The following CNTN4 variants were observed in gnomAD, a reference collection of about 807,000 sequenced individuals.
The protein encoded by CNTN4 is contactin 4.
Under a neutral mutation model 122.5 loss-of-function variants are expected in CNTN4, and 77 were observed. That is an observed-to-expected ratio of 0.63 (90% CI 0.52 to 0.76). CNTN4 has a LOEUF of 0.76. CNTN4 is among the 30% of genes least tolerant of loss of function. The probability of loss-of-function intolerance (pLI) is 0.00; values close to 1 mark genes in which losing one functional copy is unlikely to be tolerated. For missense variants in CNTN4, 1,256 were observed against 1,259.1 expected, an observed-to-expected ratio of 1.00 and a Z score of 0.04; for synonymous variants, 512 against 447.0, an observed-to-expected ratio of 1.15 and a Z score of -1.83.
intron 2 of CNTN4, among the ~76,000 whole-genome samples, chr3:2,155,272 A>T (rs967113183): frequency 2.0e-5 from 3 of 152,276 alleles, no homozygotes; most frequent in Admixed American, 6.5e-5. Context: ...AATTTGACTC[A>T]GTTACCTGAC....
intron 3 of CNTN4, among the ~76,000 whole-genome samples, chr3:2,371,164 A>C (rs1485575465): frequency 6.6e-6 from 1 of 152,180 alleles, no homozygotes; most frequent in African/African-American, 2.4e-5. Flanking sequence ...CTTCTAACAT[A>C]GTTCATCAAG....
intron 2 of CNTN4, among the ~76,000 whole-genome samples, chr3:2,120,864 C>T (rs2033729277): frequency 6.6e-6 from 1 of 151,802 alleles, no homozygotes; most frequent in African/African-American, 2.4e-5. Context: ...TACAGTGTAC[C>T]AAGGAAGTCA....
rs189136128 is a variant in CNTN4, at chr3:2,983,208, C to T, written c.1359-5137C>T. On this transcript the variant is annotated intron_variant, in intron 13 of 24. Transcript: ENST00000418658. ...CAGCCTGGGTGACAGAGCGAGACTC[C>T]ATCTCAAAAAAAAAAAAAAAAAAAA... 6.2e-3 allele frequency among the ~76,000 whole-genome samples: 444 copies of T among 72,134 alleles called. 1 individual carries two copies. Among genetic ancestry groups the T allele is most frequent in the Middle Eastern group, 0.017 (1 of 60 alleles). The allele number at this position is 72,134 out of a possible 152,430, so 47.3% of individuals were successfully genotyped here.
intron 3 of CNTN4, among the ~76,000 whole-genome samples, chr3:2,448,037 G>T (rs1156374918): frequency 6.6e-6 from 1 of 152,156 alleles, no homozygotes; most frequent in African/African-American, 2.4e-5. Context: ...TTCTCCTACA[G>T]TAATTAACTG....
At chr3:3,036,731 C>T (rs1699640361) in intron 17 of CNTN4, among the ~76,000 whole-genome samples, 1 of 150,060 alleles carries the variant, frequency 6.7e-6, no homozygotes, top group Non-Finnish European at 1.5e-5. Flanking sequence ...TGTGCCACTG[C>T]ACTCTACCCT....
In CNTN4 at chr3:2,834,908, T is replaced by TTTTTTTTTTTTTTTG. The variant is rs2093186874; in HGVS notation, c.454+15328_454+15342dup. Reference sequence around the variant, plus strand: ...TTAGATAAAGGCAACCTTTTTTTTTTTTTTTTTTTTTTTTGAGACTGAGTC... The same window carrying TTTTTTTTTTTTTTTG: ...TTAGATAAAGGCAACCTTTTTTTTTTTTTTTTTTTTTTTTGTTTTTTTTTTTTTTGAGACTGAGTC... On this transcript the variant is annotated intron_variant, in intron 7 of 24. Coordinates refer to ENST00000418658, the MANE Select transcript of CNTN4 (RefSeq NM_175607.3). 1.7e-5 allele frequency among the ~76,000 whole-genome samples: 2 copies of TTTTTTTTTTTTTTTG among 119,074 alleles called. 1 individual carries two copies. The highest frequency in any genetic ancestry group is 6.7e-5 in the African/African-American group (2 of 29,808). 78.1% of individuals were successfully genotyped at this position (119,074 alleles called of 152,430 possible). A position where few individuals can be genotyped will look rare whatever the true frequency, so the allele number is the denominator to read the frequency against.
chr3:2,147,700 C>T (rs1285258303), intron 2 of CNTN4, among the ~76,000 whole-genome samples: 1 of 152,182 alleles, frequency 6.6e-6, no homozygotes, highest in Non-Finnish European at 1.5e-5. Flanking sequence ...TCACAGGCTC[C>T]TCAGCCTGAA....
chr3:2,423,263 C>G (rs1040228920), intron 3 of CNTN4, among the ~76,000 whole-genome samples: 3 of 152,126 alleles, frequency 2.0e-5, no homozygotes, highest in Non-Finnish European at 4.4e-5. Context: ...TAAGAGCAGT[C>G]AAGTGTCAAA....
chr3:2,260,551 C>T (rs1208185364), intron 2 of CNTN4, among the ~76,000 whole-genome samples: 2 of 152,002 alleles, frequency 1.3e-5, no homozygotes, highest in African/African-American at 4.8e-5. Flanking sequence ...ACATTAAGGA[C>T]TAGAGTTGGC....
intron 6 of CNTN4, among the ~76,000 whole-genome samples, chr3:2,766,134 A>C (rs1279726269): frequency 6.6e-6 from 1 of 152,200 alleles, no homozygotes; most frequent in African/African-American, 2.4e-5. Context: ...TTCAAAATTT[A>C]AATATCACCT....
chr3:2,600,454 G>A (rs2080990311), intron 4 of CNTN4, among the ~76,000 whole-genome samples: 1 of 152,008 alleles, frequency 6.6e-6, no homozygotes, highest in Non-Finnish European at 1.5e-5. Context: ...TGCGGTGTTT[G>A]GTTTTCTGTC....
chr3:2,986,249 C>A (rs1008596843), intron 13 of CNTN4, among the ~76,000 whole-genome samples: 3 of 152,172 alleles, frequency 2.0e-5, no homozygotes, highest in African/African-American at 7.2e-5. Context: ...AAGAGAACCA[C>A]TGCCTAGTAA....
At chr3:2,652,636 AG>A (rs2083413353) in intron 4 of CNTN4, among the ~76,000 whole-genome samples, 3 of 152,236 alleles carry the variant, frequency 2.0e-5, no homozygotes, top group East Asian at 1.9e-4. Flanking sequence ...AAAACTCAGC[AG>A]GGGCCCAGAG....
In CNTN4 at chr3:2,377,775, A is replaced by ATTTT. The variant is rs113134614; in HGVS notation, c.-89+38548_-89+38551dup. Among the ~76,000 whole-genome samples, 415 of 150,520 alleles carry ATTTT rather than the reference A, an allele frequency of 2.8e-3. 3 individuals carry two copies. The highest frequency in any genetic ancestry group is 3.4e-3 in the Middle Eastern group (1 of 290). On this transcript the variant is annotated intron_variant, in intron 3 of 24. Transcript: ENST00000418658. ...CTTAAAACATGATTTTTTTGTGATT[A>ATTTT]TTTTTTTTTAACCTCATCAGTTATT... is the stretch of plus-strand genomic sequence containing the variant.
chr3:2,335,827 C>T (rs1034906907), intron 2 of CNTN4, among the ~76,000 whole-genome samples: 6 of 152,114 alleles, frequency 3.9e-5, no homozygotes, highest in African/African-American at 1.4e-4. Context: ...CTTTTAAGAT[C>T]AGTTATGAAA....
At position 2,974,433 on chromosome 3, in the gene CNTN4, G is replaced by C. The variant is rs78695275; in HGVS notation, c.1359-13912G>C. Among the ~76,000 whole-genome samples the C allele has an allele frequency of 3.6e-3, 546 of 152,244 alleles. 6 individuals carry two copies. The highest frequency in any genetic ancestry group is 0.012 in the African/African-American group (491 of 41,550). On this transcript the variant is annotated intron_variant, in intron 13 of 24. Transcript: ENST00000418658. The stretch of plus-strand genomic sequence containing the variant: ...CATCACAGGCTTAAATGTTTCATGG[G>C]AATTTTTACATTTAACCTTCTCACA...
At chr3:2,322,794 C>A (rs997416728) in intron 2 of CNTN4, among the ~76,000 whole-genome samples, 3 of 152,124 alleles carry the variant, frequency 2.0e-5, no homozygotes, top group Admixed American at 2.0e-4. Context: ...TGTTAAGTGT[C>A]TTTTTCTTTT....
chr3:2,880,733 C>G (rs998056111), intron 8 of CNTN4, among the ~76,000 whole-genome samples: 1 of 152,130 alleles, frequency 6.6e-6, no homozygotes, highest in Non-Finnish European at 1.5e-5. Flanking sequence ...TGGTGAGAGG[C>G]CTTCGTAAGA....
chr3:2,317,074 C>T (rs1412974840), intron 2 of CNTN4, among the ~76,000 whole-genome samples: 1 of 152,206 alleles, frequency 6.6e-6, no homozygotes, highest in Admixed American at 6.5e-5. Context: ...TCAGACCTCT[C>T]TTAAATACTT....
Sources: allele counts gnomAD v4.1 joint callset (sites outside exome capture counted in the v4.1 genomes callset), GRCh38; gene constraint gnomAD v4.1.1; transcripts MANE v1.5; gene names NCBI Gene and HGNC (gene_info 2026-07-23, HGNC 2026-07-21).